Variants in GATA5 observed in about 807,000 individuals in gnomAD.
GATA5 encodes the protein transcription factor GATA-5.
Under a neutral mutation model 35.0 loss-of-function variants are expected in GATA5, and 27 were observed. The ratio of observed to expected loss-of-function variants is 0.77; its 90% CI spans 0.57 to 1.06. The LOEUF (loss-of-function observed/expected upper bound fraction) is 1.06, where lower values mean the gene tolerates loss of function less well. GATA5 is among the 50% of genes least tolerant of loss of function. The pLI is 0.00. For missense variants in GATA5, 612 were observed against 580.0 expected, an observed-to-expected ratio of 1.06 and a Z score of -0.57; for synonymous variants, 306 against 267.8, an observed-to-expected ratio of 1.14 and a Z score of -1.39.
chr20:62,464,585 C>G lies in GATA5; in HGVS notation c.*251G>C. On this transcript the variant is annotated 3_prime_UTR_variant, in exon 7 of 7. Coordinates refer to ENST00000252997, the MANE Select transcript of GATA5 (RefSeq NM_080473.5). ...GCCAGTGTGGTCCGGAGCCTTGGGCCGCACCTGGGGAGTCCCTTGCTGTAC... is the reference window on the plus strand; with the variant it reads ...GCCAGTGTGGTCCGGAGCCTTGGGCGGCACCTGGGGAGTCCCTTGCTGTAC... 1 of 384,598 alleles carries G rather than the reference C, an allele frequency of 2.6e-6. No individual in the cohort carries two copies. Among genetic ancestry groups the G allele is most frequent in the Non-Finnish European group, 4.6e-6 (1 of 216,816 alleles). The allele number at this position is 384,598 out of a possible 1,614,324, so 23.8% of individuals were successfully genotyped here. A position where few individuals can be genotyped will look rare whatever the true frequency, so the allele number is the denominator to read the frequency against.
rs781989658 is a variant in GATA5, at chr20:62,465,495, G to A, written c.914-31C>T. ...AGCGAAGAGGGGGTGTTTACAGAGG[G>A]GTCAGGTGTGGCCTCACTTCCCCTT... On this transcript the variant is annotated intron_variant, in intron 5 of 6. Coordinates refer to ENST00000252997, the MANE Select transcript of GATA5 (RefSeq NM_080473.5). 13 of 1,590,298 alleles carry A rather than the reference G, an allele frequency of 8.2e-6. No individual in the cohort carries two copies. The African/African-American group carries it at 1.6e-4, about 20-fold the overall frequency.
At chr20:62,474,973 C>T (rs1271704960) in intron 2 of GATA5, 26 bp downstream of exon 2, 6 of 1,283,154 alleles carry the variant, frequency 4.7e-6, no homozygotes, top group East Asian at 6.3e-5. Flanking sequence ...TCCTGGGCCC[C>T]GAGACTGTGG....
intron 1 of GATA5, 29 bp downstream of exon 1, chr20:62,475,901 G>A (rs554465687): frequency 1.0e-3 from 169 of 164,674 alleles, no homozygotes; most frequent in African/African-American, 3.6e-3. Context: ...GGAGGGGCGC[G>A]CGGCTGCAGC....
chr20:62,474,604 C>G (rs1391248052), intron 2 of GATA5, among the ~76,000 whole-genome samples: 1 of 152,248 alleles, frequency 6.6e-6, no homozygotes, highest in Non-Finnish European at 1.5e-5. Context: ...GAAACCAGGT[C>G]TCAAATTAAA....
chr20:62,475,896 G>A (rs536747301), intron 1 of GATA5, 34 bp downstream of exon 1: 35 of 167,602 alleles, frequency 2.1e-4, no homozygotes, highest in Admixed American at 1.0e-3. Context: ...GGTGGGGAGG[G>A]GCGCGCGGCT....
chr20:62,464,669 C>T lies in GATA5; in HGVS notation c.*167G>A, dbSNP rs782493007. 2.9e-5 allele frequency: 16 copies of T among 558,544 alleles called. No homozygotes were observed. Among genetic ancestry groups the T allele is most frequent in the South Asian group, 6.6e-5 (2 of 30,428 alleles). The allele number at this position is 558,544 out of a possible 1,614,324, so 34.6% of individuals were successfully genotyped here. A position where few individuals can be genotyped will look rare whatever the true frequency, so the allele number is the denominator to read the frequency against. ...CCTTCTTGCTCTGGGGCCCGACTGCCGTCTGTCCAGAAGGCCTCCCCACCA... is the reference window on the plus strand; with the variant it reads ...CCTTCTTGCTCTGGGGCCCGACTGCTGTCTGTCCAGAAGGCCTCCCCACCA... On this transcript the variant is annotated 3_prime_UTR_variant, in exon 7 of 7. Coordinates refer to ENST00000252997, the MANE Select transcript of GATA5 (RefSeq NM_080473.5).
chr20:62,470,731 C>T lies in GATA5; in HGVS notation c.699+2672G>A, dbSNP rs113538809. ...TGGCTGCCGGGCCCCAGGCTTCAGCCGAGGCTTCAGTGTTCTTGGGGGTGG... is the reference window on the plus strand; with the variant it reads ...TGGCTGCCGGGCCCCAGGCTTCAGCTGAGGCTTCAGTGTTCTTGGGGGTGG... On this transcript the variant is annotated intron_variant, in intron 3 of 6. Coordinates refer to ENST00000252997, the MANE Select transcript of GATA5 (RefSeq NM_080473.5). The surrounding 1 kb of genome is among the most constrained non-coding windows in gnomAD (Gnocchi z 4.6). 2.7e-3 allele frequency among the ~76,000 whole-genome samples: 408 copies of T among 152,282 alleles called. 2 individuals are homozygous for T. The highest frequency in any genetic ancestry group is 9.3e-3 in the African/African-American group (385 of 41,556).
intron 2 of GATA5, 40 bp from the exon 3 acceptor site, chr20:62,473,618 C>T (rs1555896807): frequency 1.3e-6 from 2 of 1,542,700 alleles, no homozygotes; most frequent in Non-Finnish European, 1.8e-6. Context: ...GCCCTCCCCT[C>T]CCCAGGATCC....
At position 62,473,542 on chromosome 20, in the gene GATA5, CG is replaced by C. The variant is rs1569048459; in HGVS notation, c.559del (p.Arg187ValfsTer33). ...CAGGGCCCCGCAGTTGACACACTCA[CG>C]ACCCTCACCCGGGAACTCCTCCAAG... Reference protein sequence around the residue: ...DFLEEFPGEGRECVNCGALST... With the variant: ...DFLEEFPGEGXECVNCGALST... On this transcript the variant is annotated frameshift_variant, in exon 3 of 7. Transcript: ENST00000252997. LOFTEE classifies it high-confidence loss of function. The C allele has an allele frequency of 6.2e-7, 1 of 1,604,940 alleles. No individual in the cohort carries two copies. Among genetic ancestry groups the C allele is most frequent in the Admixed American group, 1.7e-5 (1 of 58,748 alleles).
chr20:62,467,504 C>T (rs1046493831), intron 3 of GATA5, among the ~76,000 whole-genome samples: 13 of 152,230 alleles, frequency 8.5e-5, no homozygotes, highest in Non-Finnish European at 1.9e-4. Context: ...CCACTTGTCC[C>T]CAGACCTGGT....
At chr20:62,468,059 C>T (rs573444815) in intron 3 of GATA5, among the ~76,000 whole-genome samples, 5 of 149,692 alleles carry the variant, frequency 3.3e-5, no homozygotes, top group South Asian at 4.2e-4. Flanking sequence ...CAGACACAGC[C>T]AGCCTCGGCT....
At chr20:62,469,951 G>A (rs1353491889) in intron 3 of GATA5, among the ~76,000 whole-genome samples, 2 of 152,182 alleles carry the variant, frequency 1.3e-5, no homozygotes, top group East Asian at 1.9e-4. Context: ...CCACCATACC[G>A]CGACGATGCC....
chr20:62,475,516 G>A lies in GATA5; in HGVS notation c.6C>T (p.Tyr2=), dbSNP rs782470530. The change falls in exon 2 of 7, where the codon TAC becomes TAT. Residue 2 remains tyrosine (Y), a synonymous_variant. Coordinates refer to ENST00000252997, the MANE Select transcript of GATA5 (RefSeq NM_080473.5). M[Y]QSLALAASPR... is the part of the protein sequence containing the mutation. ...GGCTCGCGGCCAGCGCCAGGCTCTG[G>A]TACATCCTCCCAGGCGTGGTCTTGA... 110 of 1,318,090 alleles carry A rather than the reference G, an allele frequency of 8.3e-5. No individual in the cohort carries two copies. Among genetic ancestry groups the A allele is most frequent in the Non-Finnish European group, 9.9e-5 (103 of 1,035,606 alleles). The allele number at this position is 1,318,090 out of a possible 1,614,324, so 81.6% of individuals were successfully genotyped here. A position where few individuals can be genotyped will look rare whatever the true frequency, so the allele number is the denominator to read the frequency against.
intron 3 of GATA5, among the ~76,000 whole-genome samples, chr20:62,469,717 C>T (rs937217355): frequency 9.2e-5 from 14 of 152,244 alleles, no homozygotes; most frequent in African/African-American, 3.4e-4. Context: ...CAAATTAAGA[C>T]AATGGGAAAA....
chr20:62,465,006 G>C lies in GATA5; in HGVS notation c.1039-15C>G, dbSNP rs782663761. 3.2e-6 allele frequency: 5 copies of C among 1,540,152 alleles called. No individual in the cohort carries two copies. The highest frequency in any genetic ancestry group is 4.4e-6 in the Non-Finnish European group (5 of 1,135,992). ...TGGCCAGAGGCCTGCAGGGACAGGA[G>C]AGCGTGAGAATGTGGGGTGGGGCGT... On this transcript the variant is annotated splice_polypyrimidine_tract_variant and intron_variant, in intron 6 of 6. Coordinates refer to ENST00000252997, the MANE Select transcript of GATA5 (RefSeq NM_080473.5).
chr20:62,473,829 A>T lies in GATA5; in HGVS notation c.524-251T>A, dbSNP rs75983935. 8.5e-3 allele frequency among the ~76,000 whole-genome samples: 1,300 copies of T among 152,344 alleles called. 36 individuals are homozygous for T. Among genetic ancestry groups the T allele is most frequent in the East Asian group, 0.052 (268 of 5,184 alleles). On this transcript the variant is annotated intron_variant, in intron 2 of 6. Coordinates refer to ENST00000252997, the MANE Select transcript of GATA5 (RefSeq NM_080473.5). Reference sequence around the variant, plus strand: ...GGTTTTTCGAGGATGGGGTGTTAATAAACAGAACCTGAAGACAGACACCTG... The same window carrying T: ...GGTTTTTCGAGGATGGGGTGTTAATTAACAGAACCTGAAGACAGACACCTG...
At chr20:62,468,149 C>T (rs1258548594) in intron 3 of GATA5, among the ~76,000 whole-genome samples, 1 of 150,604 alleles carries the variant, frequency 6.6e-6, no homozygotes, top group African/African-American at 2.5e-5. Flanking sequence ...GCTTCCCCGT[C>T]TGTTACAGCC....
chr20:62,472,532 G>T (rs1267103245), intron 3 of GATA5, among the ~76,000 whole-genome samples: 1 of 152,248 alleles, frequency 6.6e-6, no homozygotes, highest in Admixed American at 6.5e-5. Context: ...CACCAGCGGA[G>T]GAGGACTTGG....
chr20:62,472,267 C>T (rs546349197), intron 3 of GATA5, among the ~76,000 whole-genome samples: 3 of 152,230 alleles, frequency 2.0e-5, no homozygotes, highest in East Asian at 1.9e-4. Flanking sequence ...AAGTGACGGC[C>T]GCCCCCGGCC....
Sources: gnomAD v4.1 joint callset for allele counts (sites outside exome capture counted in the v4.1 genomes callset) on GRCh38, gnomAD v4.1.1 for gene constraint, Gnocchi (gnomAD v3.1) non-coding constraint, MANE v1.5 for transcripts, NCBI Gene and HGNC (gene_info 2026-07-23, HGNC 2026-07-21) for gene names.